The following TFAP4 variants were observed in gnomAD, a reference collection of about 807,000 sequenced individuals.
TFAP4 encodes the protein transcription factor AP-4, also known as activating enhancer-binding protein 4.
A neutral mutation model predicts 40.4 loss-of-function variants in TFAP4; 7 were observed. The observed-to-expected ratio is 0.17, with a 90% CI of 0.10 to 0.33. The LOEUF is 0.33. Ranked by LOEUF, TFAP4 falls within the 10% of genes least tolerant of loss-of-function variation. The pLI, the probability that TFAP4 is intolerant of heterozygous loss-of-function variation, is 1.00. For missense variants in TFAP4, 374 were observed against 451.1 expected (o/e 0.83, Z 1.55); for synonymous variants, 218 against 181.4 (o/e 1.20, Z -1.62).
At chr16:4,264,605 G>C (rs1236386728) in intron 1 of TFAP4, 1 of 152,438 alleles carries the variant, frequency 6.6e-6, no homozygotes, top group South Asian at 2.1e-4. Context: ...TGGTTTTAGG[G>C]TCGGTCAGCT....
At position 4,269,599 on chromosome 16, in the gene TFAP4, C is replaced by G. The variant is rs373103497; in HGVS notation, c.89+3059G>C. 7.9e-4 allele frequency among the ~76,000 whole-genome samples: 119 copies of G among 150,338 alleles called. 6 individuals carry two copies. The South Asian group carries it at 0.025, about 31-fold the overall frequency. ...GGACGAGGCGGGCAGATCATAAGAT[C>G]AGGAGATCGAGACCATCCTGGCCAA... On this transcript the variant is annotated intron_variant, in intron 1 of 6. Transcript: ENST00000204517.
Position 4,260,488 on chromosome 16 carries a change from C to T in TFAP4, c.633G>A (p.Lys211=). ...QEQVRLLHQE[K]LEREQQQLRT... ...GCAGCTGCTGCTGTTCCCGCTCCAG[C>T]TTCTCCTGGTGCAGCAGCCTCACCT... Residue 211 remains lysine (K), a synonymous_variant, in exon 5 of 7, where the codon AAG becomes AAA. Coordinates refer to ENST00000204517, the MANE Select transcript of TFAP4 (RefSeq NM_003223.3). 6.2e-7 allele frequency: 1 copy of T among 1,605,654 alleles called. No individual in the cohort carries two copies. The highest frequency in any genetic ancestry group is 1.7e-5 in the Admixed American group (1 of 58,804).
At chr16:4,262,502 G>C in intron 2 of TFAP4, 34 bp downstream of exon 2, 1 of 1,612,890 alleles carries the variant, frequency 6.2e-7, no homozygotes, top group Non-Finnish European at 8.5e-7. Flanking sequence ...GAACCTGCCG[G>C]CTCCTCCAGG....
At chr16:4,269,232 G>A (rs1455845065) in intron 1 of TFAP4, among the ~76,000 whole-genome samples, 4 of 151,548 alleles carry the variant, frequency 2.6e-5, no homozygotes, top group Admixed American at 1.3e-4. Flanking sequence ...GGTGGCTCAC[G>A]CCTGTAATCC....
chr16:4,261,696 G>T (rs941811919), intron 4 of TFAP4, 83 bp downstream of exon 4: 11 of 1,419,566 alleles, frequency 7.7e-6, no homozygotes, highest in Non-Finnish European at 8.3e-6. Flanking sequence ...GGGCTCCACC[G>T]AGGGCCGCAG....
chr16:4,267,612 G>A (rs1273122033), intron 1 of TFAP4, among the ~76,000 whole-genome samples: 3 of 152,180 alleles, frequency 2.0e-5, no homozygotes, highest in Admixed American at 6.5e-5. Flanking sequence ...CCAGGCCAAA[G>A]TCAAGTACCC....
intron 6 of TFAP4, 160 bp from the exon 7 acceptor site, chr16:4,258,409 A>G: frequency 1.6e-6 from 1 of 634,114 alleles, no homozygotes; most frequent in Admixed American, 3.3e-5. Flanking sequence ...CAGGAAAAAC[A>G]AACTCCTTTT....
Position 4,262,305 on chromosome 16 carries a change from C to T in TFAP4, c.354+19G>A. 6.2e-7 allele frequency: 1 copy of T among 1,613,512 alleles called. No individual in the cohort carries two copies. Among genetic ancestry groups the T allele is most frequent in the Non-Finnish European group, 8.5e-7 (1 of 1,179,636 alleles). The stretch of plus-strand genomic sequence containing the variant: ...CATGCCCATGCCAGGGAGAGGGAGC[C>T]ATGAAGGACAGGGCGCACCTGGATG... On this transcript the variant is annotated intron_variant, in intron 3 of 6. Transcript: ENST00000204517.
intron 6 of TFAP4, 71 bp downstream of exon 6, chr16:4,260,019 C>A: frequency 6.7e-7 from 1 of 1,491,522 alleles, no homozygotes; most frequent in South Asian, 1.3e-5. Flanking sequence ...CCCCTCTTTT[C>A]CAGTCTCCCC....
chr16:4,272,950 GTGTA>G lies in TFAP4; in HGVS notation c.-208_-205del, dbSNP rs1238811929. The G allele has an allele frequency of 5.5e-5, 23 of 417,768 alleles. No homozygotes were observed. Among genetic ancestry groups the G allele is most frequent in the East Asian group, 1.5e-4 (3 of 19,548 alleles). 25.9% of individuals were successfully genotyped at this position (417,768 alleles called of 1,614,324 possible). ...CTCTCCGGCCTGCCTCCCCGGGCGT[GTGTA>G]TGTGTGTGTGTGTGTGTGTGTGTGT... On this transcript the variant is annotated 5_prime_UTR_variant, in exon 1 of 7. Coordinates refer to ENST00000204517, the MANE Select transcript of TFAP4 (RefSeq NM_003223.3).
Position 4,257,937 on chromosome 16 carries a change from G to C in TFAP4, c.*118C>G, listed in dbSNP as rs983457480. 1.2e-5 allele frequency: 12 copies of C among 999,254 alleles called. No individual in the cohort carries two copies. Among genetic ancestry groups the C allele is most frequent in the Middle Eastern group, 3.2e-4 (1 of 3,108 alleles). 61.9% of individuals were successfully genotyped at this position (999,254 alleles called of 1,614,324 possible). ...CAGTATTGAAAAAGAGGTCATAAAA[G>C]AGACCCAAATGACATCGTAATTTTG... On this transcript the variant is annotated 3_prime_UTR_variant, in exon 7 of 7. Coordinates refer to ENST00000204517, the MANE Select transcript of TFAP4 (RefSeq NM_003223.3).
At chr16:4,271,863 G>A (rs962918806) in intron 1 of TFAP4, among the ~76,000 whole-genome samples, 8 of 152,212 alleles carry the variant, frequency 5.3e-5, no homozygotes, top group African/African-American at 1.9e-4. Context: ...GGGAAAGCGT[G>A]GCCCAGGAGC....
chr16:4,269,959 T>C (rs2053028600), intron 1 of TFAP4, among the ~76,000 whole-genome samples: 1 of 152,104 alleles, frequency 6.6e-6, no homozygotes, highest in South Asian at 2.1e-4. Context: ...GGTGGGCAGA[T>C]CACCTGAGGT....
At chr16:4,269,810 AAAAC>A (rs34126956) in intron 1 of TFAP4, among the ~76,000 whole-genome samples, 83,797 of 150,430 alleles carry the variant, frequency 0.56, 23,625 homozygotes, top group East Asian at 0.8. Context: ...AGTCCATCTC[AAAAC>A]AAACAAACAA....
chr16:4,259,412 G>T (rs905477223), intron 6 of TFAP4, among the ~76,000 whole-genome samples: 3 of 152,146 alleles, frequency 2.0e-5, no homozygotes. Context: ...TGGGATTGCA[G>T]GTGTGAGCCA....
At chr16:4,272,524 A>T in intron 1 of TFAP4, 134 bp downstream of exon 1, 1 of 581,372 alleles carries the variant, frequency 1.7e-6, no homozygotes, top group Non-Finnish European at 2.7e-6. Context: ...GTGGGGCTGC[A>T]GCCGTCCCGG....
Position 4,262,304 on chromosome 16 carries a change from C to T in TFAP4, c.354+20G>A, listed in dbSNP as rs746748274. ...GCATGCCCATGCCAGGGAGAGGGAG[C>T]CATGAAGGACAGGGCGCACCTGGAT... On this transcript the variant is annotated intron_variant, in intron 3 of 6. Transcript: ENST00000204517. 6.2e-7 allele frequency: 1 copy of T among 1,612,964 alleles called. No individual in the cohort carries two copies. Among genetic ancestry groups the T allele is most frequent in the Non-Finnish European group, 8.5e-7 (1 of 1,179,202 alleles).
rs71139626 is a variant in TFAP4 at position 4,272,954 on chromosome 16, A to ATGTG, written c.-212_-209dup. ...CCGGCCTGCCTCCCCGGGCGTGTGT[A>ATGTG]TGTGTGTGTGTGTGTGTGTGTGTGT... On this transcript the variant is annotated 5_prime_UTR_variant, in exon 1 of 7. Transcript: ENST00000204517. 3,155 of 156,186 alleles carry ATGTG rather than the reference A, an allele frequency of 0.02. 56 individuals are homozygous for ATGTG. Among genetic ancestry groups the ATGTG allele is most frequent in the Admixed American group, 0.025 (344 of 13,556 alleles). 9.7% of individuals were successfully genotyped at this position (156,186 alleles called of 1,614,324 possible). A position where few individuals can be genotyped will look rare whatever the true frequency, so the allele number is the denominator to read the frequency against.
chr16:4,269,219 C>G (rs371996517), intron 1 of TFAP4, among the ~76,000 whole-genome samples: 2 of 144,190 alleles, frequency 1.4e-5, no homozygotes, highest in African/African-American at 5.0e-5. Context: ...AGAGGCCAGG[C>G]GCGGTGGCTC....
Sources: gnomAD v4.1 joint callset for allele counts (sites outside exome capture counted in the v4.1 genomes callset) on GRCh38, gnomAD v4.1.1 for gene constraint, MANE v1.5 for transcripts, NCBI Gene and HGNC (gene_info 2026-07-23, HGNC 2026-07-21) for gene names.